The following LRP2 variants were observed in gnomAD, a reference collection of about 807,000 sequenced individuals.
LRP2 encodes the protein low-density lipoprotein receptor-related protein 2.
A neutral mutation model predicts 531.0 loss-of-function variants in LRP2; 172 were observed. The ratio of observed to expected loss-of-function variants is 0.32; its 90% CI spans 0.29 to 0.37. LRP2 has a LOEUF of 0.37. Among genes scored for constraint, LRP2 ranks in the 10% least tolerant of loss-of-function variants. LRP2 has a pLI of 1.00. For synonymous variants in LRP2, 1,992 were observed against 2,027.6 expected, an observed-to-expected ratio of 0.98 and a Z score of 0.47; for missense variants, 5,167 against 5,868.3, an observed-to-expected ratio of 0.88 and a Z score of 3.90.
At chr2:169,288,802 C>A (rs1208118950) in intron 9 of LRP2, among the ~76,000 whole-genome samples, 1 of 152,194 alleles carries the variant, frequency 6.6e-6, no homozygotes, top group African/African-American at 2.4e-5. Flanking sequence ...GGTAGCTAGT[C>A]AACTCGCTCA....
intron 14 of LRP2, among the ~76,000 whole-genome samples, chr2:169,273,740 T>C (rs998157674): frequency 1.1e-4 from 16 of 152,192 alleles, no homozygotes; most frequent in Admixed American, 9.8e-4. Flanking sequence ...TTTTAGCCTT[T>C]GACTTATTCT....
At chr2:169,358,179 C>T (rs980326964) in intron 1 of LRP2, among the ~76,000 whole-genome samples, 6 of 152,150 alleles carry the variant, frequency 3.9e-5, no homozygotes, top group Admixed American at 3.9e-4. Flanking sequence ...AAATCTCAAC[C>T]AACCAAACAG....
chr2:169,313,090 A>C (rs1684660898), intron 3 of LRP2, among the ~76,000 whole-genome samples: 9 of 152,152 alleles, frequency 5.9e-5, no homozygotes, highest in Admixed American at 5.9e-4. Context: ...TGGTTATTCT[A>C]GTTAGCCATT....
chr2:169,351,504 A>G (rs1685846498), intron 1 of LRP2, among the ~76,000 whole-genome samples: 1 of 152,200 alleles, frequency 6.6e-6, no homozygotes, highest in South Asian at 2.1e-4. Context: ...GAGTAATAGG[A>G]GGAAAGACAG....
Position 169,233,581 on chromosome 2 carries a change from C to A in LRP2, c.4928G>T (p.Arg1643Leu), listed in dbSNP as rs147688332. The A allele has an allele frequency of 1.9e-6, 3 of 1,613,938 alleles. No homozygotes were observed. The highest frequency in any genetic ancestry group is 2.5e-6 in the Non-Finnish European group (3 of 1,179,984). ...RQVIASDLII[R>L]HPYALTLFED... ...AAAGAGAGTTAGGGCATAGGGGTGC[C>A]GTATAATCTGTGAGGCAGAAGAGAA... The change falls in exon 30 of 79, where the codon CGG becomes CTG. Residue 1643 changes from arginine to leucine, a missense_variant. This residue lies in a region of LRP2 where 2,811 missense variants were observed against 3,058.0 expected (regional missense o/e 0.92). Transcript: ENST00000649046.
rs1689639736 is a variant in LRP2 at position 169,237,235 on chromosome 2, C to A, written c.4559G>T (p.Gly1520Val). The part of the protein sequence containing the change: ...LTETIAIDWV[G>V]RNLYWTDYAL... ...ATAGTCTGTCCAGTAAAGATTACGA[C>A]CTACCCAATCTATTGCAATAGTTTC... The change falls in exon 28 of 79, where the codon GGT becomes GTT. Residue 1520 changes from glycine to valine, a missense_variant. Physicochemically the swap from Gly to Val is moderately radical, Grantham distance 109. Transcript: ENST00000649046. 1 of 1,613,770 alleles carries A rather than the reference C, an allele frequency of 6.2e-7. No homozygotes were observed. The highest frequency in any genetic ancestry group is 1.3e-5 in the African/African-American group (1 of 74,918).
chr2:169,171,967 A>T (rs770904865), intron 58 of LRP2, 48 bp downstream of exon 58: 7 of 1,612,496 alleles, frequency 4.3e-6, no homozygotes, highest in Admixed American at 1.7e-5. Context: ...AAAAGCAAAC[A>T]TCACAGCTCT....
intron 16 of LRP2, among the ~76,000 whole-genome samples, chr2:169,264,692 C>T (rs189361259): frequency 1.3e-5 from 2 of 151,940 alleles, no homozygotes; most frequent in African/African-American, 4.8e-5. Flanking sequence ...GAGAGACACA[C>T]CCACATATGC....
chr2:169,271,031 A>G lies in LRP2; in HGVS notation c.2193T>C (p.Asp731=), dbSNP rs539460153. 4.6e-5 allele frequency: 75 copies of G among 1,613,298 alleles called. No homozygotes were observed. In the African/African-American group the frequency reaches 4.9e-4, roughly 11 times the overall value. The change falls in exon 16 of 79, where the codon GAT becomes GAC. Residue 731 remains aspartate (D), a synonymous_variant. Transcript: ENST00000649046. ...GIPFTLSTQE[D]VMVPVSGNPS... ...GATTCCCCGAAACTGGAACCATGACATCTTCCTGGGTAGACAAGGTGAACG... is the reference window on the plus strand; with the variant it reads ...GATTCCCCGAAACTGGAACCATGACGTCTTCCTGGGTAGACAAGGTGAACG...
intron 1 of LRP2, among the ~76,000 whole-genome samples, chr2:169,341,722 A>G (rs904464125): frequency 1.9e-4 from 29 of 152,220 alleles, no homozygotes; most frequent in African/African-American, 6.8e-4. Context: ...CCAGAGCCAA[A>G]TATCCTACTC....
At chr2:169,242,877 G>A (rs1162856754) in intron 24 of LRP2, 79 bp downstream of exon 24, 34 of 1,024,624 alleles carry the variant, frequency 3.3e-5, no homozygotes, top group Non-Finnish European at 5.1e-5. Flanking sequence ...TAGGGAAAAT[G>A]TGTGGCAATA....
chr2:169,150,177 G>C (rs1686070148), intron 68 of LRP2, among the ~76,000 whole-genome samples: 1 of 152,192 alleles, frequency 6.6e-6, no homozygotes, highest in Admixed American at 6.5e-5. Flanking sequence ...ACAGCTCATA[G>C]GGTTCTACCT....
Position 169,227,453 on chromosome 2 carries a change from A to T in LRP2, c.5228-865T>A, listed in dbSNP as rs141661189. On this transcript the variant is annotated intron_variant, in intron 31 of 78. Coordinates refer to ENST00000649046, the MANE Select transcript of LRP2 (RefSeq NM_004525.3). ...AAAGTTCCTTTTTCAAAAATAATTTAATCTTTATCCTGATCCCCATCAAGA... is the reference window on the plus strand; with the variant it reads ...AAAGTTCCTTTTTCAAAAATAATTTTATCTTTATCCTGATCCCCATCAAGA... 5.6e-3 allele frequency among the ~76,000 whole-genome samples: 851 copies of T among 152,354 alleles called. 9 individuals carry two copies. The Middle Eastern group carries it at 0.065, about 12-fold the overall frequency.
intron 3 of LRP2, among the ~76,000 whole-genome samples, chr2:169,313,062 T>A (rs1407623336): frequency 6.6e-6 from 1 of 152,216 alleles, no homozygotes; most frequent in African/African-American, 2.4e-5. Context: ...ATCAGGTCAT[T>A]TAAGGTCTTC....
chr2:169,271,056 G>A lies in LRP2; in HGVS notation c.2168C>T (p.Pro723Leu), dbSNP rs370237379. 131 of 1,613,112 alleles carry A rather than the reference G, an allele frequency of 8.1e-5. 2 individuals carry two copies. In the Middle Eastern group the frequency reaches 1.3e-3, roughly 16 times the overall value. Residue 723 changes from proline to leucine, a missense_variant, in exon 16 of 79, where the codon CCG becomes CTG. Coordinates refer to ENST00000649046, the MANE Select transcript of LRP2 (RefSeq NM_004525.3). ...FSSQVAIRGI[P>L]FTLSTQEDVM... ...ATCTTCCTGGGTAGACAAGGTGAAC[G>A]GGATCCCACGAATAGCAACTTGGGA...
At chr2:169,152,154 C>A (rs1686165592) in intron 67 of LRP2, among the ~76,000 whole-genome samples, 2 of 152,168 alleles carry the variant, frequency 1.3e-5, no homozygotes, top group South Asian at 4.1e-4. Context: ...CTGATGATAA[C>A]CCTACTTAAG....
At chr2:169,331,091 C>T (rs1238147180) in intron 1 of LRP2, among the ~76,000 whole-genome samples, 1 of 152,096 alleles carries the variant, frequency 6.6e-6, no homozygotes, top group Non-Finnish European at 1.5e-5. Context: ...CAGGTCTACC[C>T]CTTCAAGGGG....
At chr2:169,139,635 A>T in intron 72 of LRP2, 25 bp from the exon 73 acceptor site, 7 of 1,606,958 alleles carry the variant, frequency 4.4e-6, no homozygotes, top group Non-Finnish European at 6.0e-6. Flanking sequence ...CAAATCATTC[A>T]CTAGCTGTTA....
chr2:169,361,661 G>A (rs1228164739), intron 1 of LRP2, among the ~76,000 whole-genome samples: 1 of 152,024 alleles, frequency 6.6e-6, no homozygotes, highest in Non-Finnish European at 1.5e-5. Context: ...CCATGCAGAC[G>A]GGCCCCATTC....
Sources: gnomAD v4.1 joint callset for allele counts (sites outside exome capture counted in the v4.1 genomes callset) on GRCh38, gnomAD v4.1.1 for gene constraint, gnomAD v4.1.1 regional missense constraint, MANE v1.5 for transcripts, NCBI Gene and HGNC (gene_info 2026-07-23, HGNC 2026-07-21) for gene names.